Variants in IFRD1 observed in about 807,000 individuals in gnomAD.
IFRD1 encodes the protein interferon related developmental regulator 1, also known as interferon-related developmental regulator 1.
In IFRD1, 35 loss-of-function variants were observed where a neutral mutation model predicts 52.9. That is an observed-to-expected ratio of 0.66 (90% confidence interval 0.51 to 0.88). The LOEUF is 0.88. Among genes scored for constraint, IFRD1 ranks in the 40% least tolerant of loss-of-function variants. IFRD1 has a pLI of 0.00. For missense variants in IFRD1, 517 were observed against 550.8 expected, an observed-to-expected ratio of 0.94 and a Z score of 0.61; for synonymous variants, 184 against 188.4, an observed-to-expected ratio of 0.98 and a Z score of 0.19.
At chr7:112,433,864 AG>A (rs1489981791) in intron 1 of IFRD1, among the ~76,000 whole-genome samples, 11 of 152,318 alleles carry the variant, frequency 7.2e-5, no homozygotes, top group Non-Finnish European at 8.8e-5. Flanking sequence ...TAGGCCGCCC[AG>A]GCTGGAGTGC....
In IFRD1 at chr7:112,459,009, T is replaced by C. The variant is rs1336601174; in HGVS notation, c.558T>C (p.Ala186=). 1 of 1,613,102 alleles carries C rather than the reference T, an allele frequency of 6.2e-7. No individual in the cohort carries two copies. Among genetic ancestry groups the C allele is most frequent in the East Asian group, 2.2e-5 (1 of 44,876 alleles). ...IICDGSASMQ[A]RQTCATCFGV... is the part of the protein sequence containing the mutation. ...GTGATGGGTCAGCTAGTATGCAGGC[T>C]AGGCAAACTGTAAGTATAAGATATT... is the stretch of plus-strand genomic sequence containing the variant. Residue 186 remains alanine (A), a synonymous_variant, in exon 5 of 12, where the codon GCT becomes GCC. Transcript: ENST00000403825.
chr7:112,449,168 C>G (rs946601851), upstream of IFRD1, among the ~76,000 whole-genome samples: 1 of 152,058 alleles, frequency 6.6e-6, no homozygotes, highest in African/African-American at 2.4e-5. Flanking sequence ...ACTGGGAGAT[C>G]GCTTAAAATG....
At chr7:112,473,672 A>G (rs1795821746) in intron 11 of IFRD1, among the ~76,000 whole-genome samples, 1 of 152,198 alleles carries the variant, frequency 6.6e-6, no homozygotes, top group South Asian at 2.1e-4. Context: ...TGATCCACCC[A>G]CTTTGGCCTC....
intron 1 of IFRD1, among the ~76,000 whole-genome samples, chr7:112,434,502 T>C (rs1237301554): frequency 6.6e-6 from 1 of 152,224 alleles, no homozygotes; most frequent in East Asian, 1.9e-4. Context: ...GTACCTAATA[T>C]GATAACACAT....
chr7:112,475,632 G>T lies in IFRD1; in HGVS notation c.*113G>T. The T allele has an allele frequency of 1.4e-6, 1 of 695,858 alleles. No homozygotes were observed. Among genetic ancestry groups the T allele is most frequent in the Non-Finnish European group, 2.5e-6 (1 of 395,142 alleles). 43.1% of individuals were successfully genotyped at this position (695,858 alleles called of 1,614,324 possible). A position where few individuals can be genotyped will look rare whatever the true frequency, so the allele number is the denominator to read the frequency against. On this transcript the variant is annotated 3_prime_UTR_variant, in exon 12 of 12. Coordinates refer to ENST00000403825, the MANE Select transcript of IFRD1 (RefSeq NM_001550.4). ...ATTAACTTAGATAACTTTTGTAGCA[G>T]TGGTTATATTGCTTATAATTTAATG...
rs752492220 is a variant in IFRD1 at position 112,475,414 on chromosome 7, C to T, written c.1267-16C>T. ...TAAGTCTTACTGATGCACGTTTTTC[C>T]TTTTTTTCATTTTAGCATTTATATA... is the stretch of plus-strand genomic sequence containing the variant. On this transcript the variant is annotated splice_polypyrimidine_tract_variant and intron_variant, in intron 11 of 11. Coordinates refer to ENST00000403825, the MANE Select transcript of IFRD1 (RefSeq NM_001550.4). 3 of 1,544,258 alleles carry T rather than the reference C, an allele frequency of 1.9e-6. No homozygotes were observed. In the Admixed American group the frequency reaches 5.0e-5, roughly 26 times the overall value.
At chr7:112,452,706 T>C (rs1055278488) in intron 1 of IFRD1, among the ~76,000 whole-genome samples, 10 of 152,198 alleles carry the variant, frequency 6.6e-5, no homozygotes, top group African/African-American at 2.4e-4. Flanking sequence ...TGTATGGGGA[T>C]TGCCTTTTAA....
chr7:112,447,058 A>T (rs1795046904), upstream of IFRD1, among the ~76,000 whole-genome samples: 1 of 152,212 alleles, frequency 6.6e-6, no homozygotes, highest in South Asian at 2.1e-4. Flanking sequence ...GCCATGACTA[A>T]AGTCATTCAA....
chr7:112,437,017 A>T (rs1353345357), intron 1 of IFRD1, among the ~76,000 whole-genome samples: 2 of 152,020 alleles, frequency 1.3e-5, no homozygotes, highest in African/African-American at 4.8e-5. Flanking sequence ...TGTTTTTTTG[A>T]GACAGGGTCT....
rs1263019725 is a variant in IFRD1 at position 112,475,949 on chromosome 7, T to C, written c.*430T>C. 6.0e-6 allele frequency: 1 copy of C among 167,246 alleles called. No homozygotes were observed. The highest frequency in any genetic ancestry group is 2.4e-5 in the African/African-American group (1 of 41,532). The allele number at this position is 167,246 out of a possible 1,614,324, so 10.4% of individuals were successfully genotyped here. On this transcript the variant is annotated 3_prime_UTR_variant, in exon 12 of 12. Coordinates refer to ENST00000403825, the MANE Select transcript of IFRD1 (RefSeq NM_001550.4). The stretch of plus-strand genomic sequence containing the variant: ...TTCCCCTGGAAAAGCTGCTGTATTT[T>C]TAATTTTTAATGGAATGTAGCTTTT...
chr7:112,456,958 T>G lies in IFRD1; in HGVS notation c.329T>G (p.Leu110Arg). ...QAALEGIKNALASKMLYEFIL... is the reference protein window; with the variant it reads ...QAALEGIKNARASKMLYEFIL... Reference sequence around the variant, plus strand: ...GCTCTTGAAGGTATTAAAAATGCACTGGCTTCAAAAATGCTGTATGAATTT... The same window carrying G: ...GCTCTTGAAGGTATTAAAAATGCACGGGCTTCAAAAATGCTGTATGAATTT... Residue 110 changes from leucine (L) to arginine (R), a missense_variant, in exon 4 of 12, where the codon CTG (leucine) becomes CGG (arginine). By Grantham distance (102) the Leu-to-Arg change is moderately radical. Transcript: ENST00000403825. 6.2e-7 allele frequency: 1 copy of G among 1,613,854 alleles called. No individual in the cohort carries two copies. Among genetic ancestry groups the G allele is most frequent in the Non-Finnish European group, 8.5e-7 (1 of 1,179,758 alleles).
upstream of IFRD1, among the ~76,000 whole-genome samples, chr7:112,446,636 C>T (rs1260185566): frequency 6.6e-6 from 1 of 152,000 alleles, no homozygotes; most frequent in Non-Finnish European, 1.5e-5. Flanking sequence ...AGTAGGAAGG[C>T]CTCTTCAGGT....
intron 11 of IFRD1, among the ~76,000 whole-genome samples, chr7:112,473,929 A>G (rs907120778): frequency 1.3e-5 from 2 of 152,316 alleles, no homozygotes; most frequent in South Asian, 2.1e-4. Context: ...GCCACTGGCA[A>G]CCGCTAATCT....
intron 1 of IFRD1, among the ~76,000 whole-genome samples, chr7:112,435,164 A>G (rs1335495616): frequency 6.6e-6 from 1 of 152,202 alleles, no homozygotes; most frequent in Non-Finnish European, 1.5e-5. Context: ...TTTACTTTAG[A>G]TTTCAATAAG....
chr7:112,473,526 G>A (rs1416926522), intron 11 of IFRD1, among the ~76,000 whole-genome samples: 1 of 151,850 alleles, frequency 6.6e-6, no homozygotes, highest in Non-Finnish European at 1.5e-5. Context: ...CCAGGTTCAA[G>A]TGATTATCCT....
rs970227177 is a variant in IFRD1, at chr7:112,465,478, C to A, written c.907-2503C>A. ...TTTGCTATGAAATAATTATCTTCAG[C>A]TGACCAGTTTGTTGTATTTATATTG... On this transcript the variant is annotated intron_variant, in intron 8 of 11. Coordinates refer to ENST00000403825, the MANE Select transcript of IFRD1 (RefSeq NM_001550.4). 2.0e-5 allele frequency among the ~76,000 whole-genome samples: 3 copies of A among 152,154 alleles called. No individual in the cohort carries two copies. In the South Asian group the frequency reaches 6.2e-4, roughly 32 times the overall value.
At chr7:112,447,496 C>A (rs1795056534), upstream of IFRD1, among the ~76,000 whole-genome samples, 1 of 152,196 alleles carries the variant, frequency 6.6e-6, no homozygotes, top group East Asian at 1.9e-4. Flanking sequence ...ATGAGCCCAA[C>A]CGAAAATACT....
chr7:112,448,495 A>G (rs984728527), upstream of IFRD1, among the ~76,000 whole-genome samples: 1 of 152,194 alleles, frequency 6.6e-6, no homozygotes, highest in Non-Finnish European at 1.5e-5. Context: ...TGAGTCTACA[A>G]TTCTGTGAGA....
At chr7:112,468,195 T>C (rs989597574) in intron 9 of IFRD1, 80 bp downstream of exon 9, 1 of 1,444,988 alleles carries the variant, frequency 6.9e-7, no homozygotes, top group East Asian at 2.3e-5. Context: ...TGTACCATTT[T>C]GTTGATTGAA....
Sources: allele counts gnomAD v4.1 joint callset (sites outside exome capture counted in the v4.1 genomes callset), GRCh38; gene constraint gnomAD v4.1.1; transcripts MANE v1.5; gene names NCBI Gene and HGNC (gene_info 2026-07-23, HGNC 2026-07-21).